NLGN1: variants seen among roughly 807,000 people sequenced by gnomAD.
The protein encoded by NLGN1 is neuroligin-1.
Under a neutral mutation model 65.5 loss-of-function variants are expected in NLGN1, and 12 were observed. That is an observed-to-expected ratio of 0.18 (90% CI 0.12 to 0.30). The LOEUF is 0.30. Ranked by LOEUF, NLGN1 falls within the 10% of genes least tolerant of loss-of-function variation. The pLI, the probability that NLGN1 is intolerant of heterozygous loss-of-function variation, is 1.00. For missense variants in NLGN1, 750 were observed against 1,007.1 expected (o/e 0.74, Z 3.46); for synonymous variants, 350 against 359.5 (o/e 0.97, Z 0.30).
chr3:173,505,044 C>T (rs1273940115), intron 2 of NLGN1, among the ~76,000 whole-genome samples: 3 of 151,920 alleles, frequency 2.0e-5, no homozygotes, highest in African/African-American at 7.3e-5. Flanking sequence ...ATGCCCTTCC[C>T]CCACCCCTTG....
intron 2 of NLGN1, among the ~76,000 whole-genome samples, chr3:173,486,997 T>C (rs1483024492): frequency 6.6e-6 from 1 of 152,070 alleles, no homozygotes; most frequent in Non-Finnish European, 1.5e-5. Context: ...ATCATCTTTA[T>C]TGTAACTAAT....
In NLGN1 at chr3:174,204,405, T is replaced by G. The variant is rs115145442; in HGVS notation, c.647-70910T>G. Among the ~76,000 whole-genome samples the G allele has an allele frequency of 3.4e-3, 513 of 152,366 alleles. 3 individuals carry two copies. Among genetic ancestry groups the G allele is most frequent in the African/African-American group, 0.012 (491 of 41,590 alleles). On this transcript the variant is annotated intron_variant, in intron 4 of 6. Transcript: ENST00000457714. ...TGGATTAATTGTGTTTCCACTGATG[T>G]AAAGAAATCTTCATTGAACATTCCA...
At chr3:173,505,977 A>C (rs558248862) in intron 2 of NLGN1, among the ~76,000 whole-genome samples, 1 of 152,130 alleles carries the variant, frequency 6.6e-6, no homozygotes, top group Non-Finnish European at 1.5e-5. Context: ...TAATTTCAAG[A>C]GCTAATACCA....
chr3:173,831,039 A>G (rs900931879), intron 4 of NLGN1, among the ~76,000 whole-genome samples: 6 of 152,170 alleles, frequency 3.9e-5, no homozygotes, highest in African/African-American at 4.8e-5. Flanking sequence ...TGGTCAACCC[A>G]ATATCCCCCT....
At chr3:173,516,475 T>C (rs1733838597) in intron 2 of NLGN1, among the ~76,000 whole-genome samples, 1 of 152,084 alleles carries the variant, frequency 6.6e-6, no homozygotes, top group East Asian at 1.9e-4. Context: ...GCTAATGGTA[T>C]ATCACTCCTC....
At chr3:173,820,049 T>A (rs1306096971) in intron 4 of NLGN1, among the ~76,000 whole-genome samples, 1 of 152,048 alleles carries the variant, frequency 6.6e-6, no homozygotes, top group Non-Finnish European at 1.5e-5. Context: ...GCGTGGTGGC[T>A]GCGCCTGTAG....
intron 4 of NLGN1, among the ~76,000 whole-genome samples, chr3:174,092,605 T>G (rs1744730523): frequency 6.6e-6 from 1 of 152,124 alleles, no homozygotes. Flanking sequence ...AGTCATAACA[T>G]TATAACGTTT....
intron 4 of NLGN1, among the ~76,000 whole-genome samples, chr3:174,023,274 A>G (rs1299596801): frequency 6.6e-6 from 1 of 152,134 alleles, no homozygotes; most frequent in African/African-American, 2.4e-5. Context: ...CATTTTACAC[A>G]TGAGATACTA....
intron 4 of NLGN1, among the ~76,000 whole-genome samples, chr3:174,241,748 G>T (rs1742885722): frequency 6.6e-6 from 1 of 151,854 alleles, no homozygotes; most frequent in South Asian, 2.1e-4. Flanking sequence ...CCGCCTCCCG[G>T]GTTCACGCCA....
intron 3 of NLGN1, among the ~76,000 whole-genome samples, chr3:173,649,294 A>G (rs1238262832): frequency 6.6e-6 from 1 of 152,118 alleles, no homozygotes; most frequent in East Asian, 1.9e-4. Flanking sequence ...AGTGATAGAT[A>G]AGGATACAAT....
chr3:174,281,737 T>C (rs1426783159), exon 7 of NLGN1: 1 of 157,850 alleles, frequency 6.3e-6, no homozygotes, highest in Non-Finnish European at 1.4e-5. Context: ...GTGTAGACCA[T>C]ATTTACATAT....
chr3:173,832,461 T>C (rs1269594101), intron 4 of NLGN1, among the ~76,000 whole-genome samples: 1 of 152,246 alleles, frequency 6.6e-6, no homozygotes, highest in Non-Finnish European at 1.5e-5. Flanking sequence ...TCCGAAGTCT[T>C]ATACTGCTGC....
chr3:174,255,442 A>G (rs1577617686), intron 4 of NLGN1, among the ~76,000 whole-genome samples: 2 of 150,024 alleles, frequency 1.3e-5, no homozygotes, highest in East Asian at 2.0e-4. Context: ...TCTCAAAAAA[A>G]AAAAAAAAAA....
chr3:173,796,057 G>A (rs1006742542), intron 3 of NLGN1, among the ~76,000 whole-genome samples: 23 of 152,082 alleles, frequency 1.5e-4, no homozygotes, highest in African/African-American at 4.6e-4. Flanking sequence ...CTAATGGCCA[G>A]CTTTTCTAAG....
intron 4 of NLGN1, among the ~76,000 whole-genome samples, chr3:174,143,462 A>T (rs1482242001): frequency 1.3e-5 from 2 of 152,216 alleles, no homozygotes; most frequent in Non-Finnish European, 2.9e-5. Flanking sequence ...GTCTCCCTCA[A>T]GATGTCGCCT....
At chr3:173,632,596 G>A (rs561609538) in intron 3 of NLGN1, among the ~76,000 whole-genome samples, 1 of 152,278 alleles carries the variant, frequency 6.6e-6, no homozygotes, top group East Asian at 1.9e-4. Context: ...TTCATGAGAA[G>A]TTCAGAGAAT....
chr3:173,523,316 A>G (rs991119444), intron 2 of NLGN1, among the ~76,000 whole-genome samples: 1 of 151,674 alleles, frequency 6.6e-6, no homozygotes, highest in African/African-American at 2.4e-5. Context: ...GATCTTCATC[A>G]TACTCTTTTT....
intron 4 of NLGN1, among the ~76,000 whole-genome samples, chr3:174,187,781 G>A (rs1048731627): frequency 6.6e-6 from 1 of 151,956 alleles, no homozygotes. Context: ...AGGAGTCATT[G>A]AACTAGTAGA....
chr3:173,860,710 G>T (rs1728883646), intron 4 of NLGN1, among the ~76,000 whole-genome samples: 1 of 152,116 alleles, frequency 6.6e-6, no homozygotes, highest in African/African-American at 2.4e-5. Flanking sequence ...GTAATAAAGA[G>T]AACTGAGAAC....
Sources: allele counts gnomAD v4.1 joint callset (sites outside exome capture counted in the v4.1 genomes callset), GRCh38; gene constraint gnomAD v4.1.1; transcripts MANE v1.5; gene names NCBI Gene and HGNC (gene_info 2026-07-23, HGNC 2026-07-21).